The following ZNF678 variants were observed in gnomAD, a reference collection of about 807,000 sequenced individuals.
The protein encoded by ZNF678 is zinc finger protein 678.
ZNF678 carries 5 observed loss-of-function variants against 3.0 expected under a neutral mutation model. The observed-to-expected ratio is 1.69, with a 90% CI of 0.88 to 3.56. ZNF678 has a LOEUF of 3.56. ZNF678 is among the 30% of genes most tolerant of loss of function. ZNF678 has a pLI of 0.00. For synonymous variants in ZNF678, 218 were observed against 199.6 expected, an observed-to-expected ratio of 1.09 and a Z score of -0.78; for missense variants, 593 against 605.0, an observed-to-expected ratio of 0.98 and a Z score of 0.21.
In ZNF678 at chr1:227,662,251, C is replaced by G. The variant is rs1659427075; in HGVS notation, c.*6423C>G. 6.6e-6 allele frequency: 1 copy of G among 152,138 alleles called. No individual in the cohort carries two copies. The highest frequency in any genetic ancestry group is 1.5e-5 in the Non-Finnish European group (1 of 68,024). The allele number at this position is 152,138 out of a possible 1,614,324, so 9.4% of individuals were successfully genotyped here. On this transcript the variant is annotated 3_prime_UTR_variant, in exon 4 of 4. Transcript: ENST00000343776. ...TCCTCATTGTAGAGATGAGAAAACA[C>G]AGGCTTTTGCACATCCAATGTCTCC...
rs1006853373 is a variant in ZNF678 at position 227,563,602 on chromosome 1, A to G, written c.-286A>G. On this transcript the variant is annotated 5_prime_UTR_variant, in exon 1 of 4. Transcript: ENST00000343776. ...GAGCTTTGGTCCCGTATTCTCGGCT[A>G]TTTATCCCCAGCTGCGGGAGGCCCT... 1.2e-5 allele frequency: 13 copies of G among 1,073,790 alleles called. No individual in the cohort carries two copies. The highest frequency in any genetic ancestry group is 8.2e-5 in the African/African-American group (5 of 61,122). 66.5% of individuals were successfully genotyped at this position (1,073,790 alleles called of 1,614,324 possible).
rs1026151395 is a variant in ZNF678, at chr1:227,563,857, C to A, written c.-164+133C>A. On this transcript the variant is annotated intron_variant, in intron 1 of 3. Transcript: ENST00000343776. ...CTGGGTAGGGGCGGGGCCAGGCCGC[C>A]GCGGGATTCTCCTCCCATCACTGCG... The A allele has an allele frequency of 7.4e-6, 6 of 814,674 alleles. No homozygotes were observed. In the Admixed American group the frequency reaches 7.5e-5, roughly 10 times the overall value. 50.5% of individuals were successfully genotyped at this position (814,674 alleles called of 1,614,324 possible).
At chr1:227,597,582 C>T (rs1657626519) in intron 1 of ZNF678, among the ~76,000 whole-genome samples, 1 of 152,176 alleles carries the variant, frequency 6.6e-6, no homozygotes, top group Non-Finnish European at 1.5e-5. Context: ...ATAGCACATT[C>T]TAATGCTAAA....
At chr1:227,564,490 A>G (rs1023502703) in intron 1 of ZNF678, among the ~76,000 whole-genome samples, 1 of 152,240 alleles carries the variant, frequency 6.6e-6, no homozygotes, top group Non-Finnish European at 1.5e-5. Context: ...CATTTTCCAA[A>G]TAACATGGAA....
At chr1:227,587,983 C>T (rs1657305519) in intron 1 of ZNF678, among the ~76,000 whole-genome samples, 1 of 151,972 alleles carries the variant, frequency 6.6e-6, no homozygotes, top group Non-Finnish European at 1.5e-5. Flanking sequence ...TGTTTTCCCT[C>T]CCCCCAGCCC....
chr1:227,581,627 G>A (rs1211820791), intron 1 of ZNF678, among the ~76,000 whole-genome samples: 1 of 152,062 alleles, frequency 6.6e-6, no homozygotes, highest in Non-Finnish European at 1.5e-5. Context: ...ACTTATTGCT[G>A]TATTGTATTC....
chr1:227,641,121 T>C (rs2102791192), intron 1 of ZNF678, among the ~76,000 whole-genome samples: 1 of 152,372 alleles, frequency 6.6e-6, no homozygotes, highest in East Asian at 1.9e-4. Context: ...GAGAGGCGAC[T>C]GGAGGCTGAG....
At chr1:227,595,538 T>C (rs1448375872) in intron 1 of ZNF678, among the ~76,000 whole-genome samples, 1 of 152,160 alleles carries the variant, frequency 6.6e-6, no homozygotes, top group African/African-American at 2.4e-5. Flanking sequence ...CTCCTTTAAA[T>C]CCTTTTTTGA....
intron 1 of ZNF678, among the ~76,000 whole-genome samples, chr1:227,582,956 AG>A (rs1374799415): frequency 6.6e-6 from 1 of 152,240 alleles, no homozygotes; most frequent in African/African-American, 2.4e-5. Context: ...AATTTCTGAT[AG>A]GTAAAGTCCC....
chr1:227,607,894 AC>A (rs768223699), intron 1 of ZNF678, among the ~76,000 whole-genome samples: 61 of 150,800 alleles, frequency 4.0e-4, no homozygotes, highest in Admixed American at 1.3e-3. Context: ...TTCATAGGGG[AC>A]ATTAAAACTA....
chr1:227,670,305 ACAC>A (rs747339019), intron 5 of ZNF678, among the ~76,000 whole-genome samples: 1 of 152,268 alleles, frequency 6.6e-6, no homozygotes, highest in Non-Finnish European at 1.5e-5. Flanking sequence ...ATCACATTGT[ACAC>A]CACAAGTATA....
intron 1 of ZNF678, among the ~76,000 whole-genome samples, chr1:227,583,289 T>A (rs2102730106): frequency 6.6e-6 from 1 of 152,154 alleles, no homozygotes; most frequent in African/African-American, 2.4e-5. Flanking sequence ...TCCTTTTCTA[T>A]AATGATAACT....
Position 227,660,057 on chromosome 1 carries a change from T to C in ZNF678, c.*4229T>C, listed in dbSNP as rs1167591307. On this transcript the variant is annotated 3_prime_UTR_variant, in exon 4 of 4. Coordinates refer to ENST00000343776, the MANE Select transcript of ZNF678 (RefSeq NM_001367909.1). ...ACCTTCTTTCTAGTCTCTACTTTTA[T>C]GAGATCAACTTGTTTAGATTCCACG... 2.0e-5 allele frequency: 3 copies of C among 152,116 alleles called. No individual in the cohort carries two copies. Among genetic ancestry groups the C allele is most frequent in the Non-Finnish European group, 4.4e-5 (3 of 67,974 alleles). 9.4% of individuals were successfully genotyped at this position (152,116 alleles called of 1,614,324 possible).
Position 227,654,477 on chromosome 1 carries a change from G to C in ZNF678, c.227G>C (p.Gly76Ala). ...AAAGACTGGAGAACTGTGAATGAAG[G>C]TAAGGGGCAGAAAGAATATTGCAAT... Reference protein sequence around the residue: ...LVKDWRTVNEGKGQKEYCNRL... With the variant: ...LVKDWRTVNEAKGQKEYCNRL... The change falls in exon 4 of 4, where the codon GGT (glycine) becomes GCT (alanine). Residue 76 changes from glycine to alanine, a missense_variant. Gly to Ala is a moderately conservative substitution (Grantham distance 60). Coordinates refer to ENST00000343776, the MANE Select transcript of ZNF678 (RefSeq NM_001367909.1). The C allele has an allele frequency of 6.2e-7, 1 of 1,613,274 alleles. No homozygotes were observed. The highest frequency in any genetic ancestry group is 8.5e-7 in the Non-Finnish European group (1 of 1,179,498).
At chr1:227,589,597 A>C (rs759234955) in intron 1 of ZNF678, among the ~76,000 whole-genome samples, 6 of 151,636 alleles carry the variant, frequency 4.0e-5, no homozygotes, top group Non-Finnish European at 8.8e-5. Flanking sequence ...TTAAGGGCTC[A>C]CAACTCTAAG....
At chr1:227,563,793 G>C in intron 1 of ZNF678, 69 bp downstream of exon 1, 1 of 1,281,892 alleles carries the variant, frequency 7.8e-7, no homozygotes, top group African/African-American at 1.5e-5. Context: ...AGAGTCCGCG[G>C]CCCGGAGTCC....
chr1:227,644,983 T>C (rs1214746625), intron 1 of ZNF678, among the ~76,000 whole-genome samples: 1 of 152,116 alleles, frequency 6.6e-6, no homozygotes, highest in Non-Finnish European at 1.5e-5. Flanking sequence ...CCTGCTCTCT[T>C]TTGGTTTGGT....
At chr1:227,646,289 T>G (rs1214311587) in intron 1 of ZNF678, among the ~76,000 whole-genome samples, 2 of 152,256 alleles carry the variant, frequency 1.3e-5, no homozygotes, top group East Asian at 3.8e-4. Context: ...CAATATGTAA[T>G]GCATGTATTG....
At chr1:227,668,545 A>G (rs1051186170) in intron 5 of ZNF678, among the ~76,000 whole-genome samples, 11 of 152,200 alleles carry the variant, frequency 7.2e-5, no homozygotes, top group Non-Finnish European at 1.2e-4. Context: ...CTTGTGTTCA[A>G]ATACATTCAT....
Sources: gnomAD v4.1 joint callset for allele counts (sites outside exome capture counted in the v4.1 genomes callset) on GRCh38, gnomAD v4.1.1 for gene constraint, MANE v1.5 for transcripts, NCBI Gene and HGNC (gene_info 2026-07-23, HGNC 2026-07-21) for gene names.